MAPRE2: variants seen among roughly 807,000 people sequenced by gnomAD.
The protein encoded by MAPRE2 is microtubule-associated protein RP/EB family member 2.
MAPRE2 carries 13 observed loss-of-function variants against 43.2 expected under a neutral mutation model. The ratio of observed to expected loss-of-function variants is 0.30; its 90% confidence interval spans 0.20 to 0.48. The LOEUF (loss-of-function observed/expected upper bound fraction) is 0.48, where lower values mean the gene tolerates loss of function less well. MAPRE2 is among the 20% of genes least tolerant of loss of function. The pLI, the probability that MAPRE2 is intolerant of heterozygous loss-of-function variation, is 0.99. For synonymous variants in MAPRE2, 135 were observed against 148.8 expected (o/e 0.91, Z 0.68); for missense variants, 161 against 400.2 (o/e 0.40, Z 5.10).
upstream of MAPRE2, chr18:35,041,375 G>A (rs1270804990): frequency 1.4e-6 from 2 of 1,468,162 alleles, no homozygotes; most frequent in East Asian, 2.5e-5. Flanking sequence ...CTGCCAGAGG[G>A]CGGGGCCGCA....
At chr18:35,029,751 C>T (rs1337981093) in intron 2 of MAPRE2, among the ~76,000 whole-genome samples, 1 of 152,132 alleles carries the variant, frequency 6.6e-6, no homozygotes, top group Non-Finnish European at 1.5e-5. Context: ...TTTAGCTGTC[C>T]TATGCAGTCA....
chr18:35,044,882 A>G (rs959782268), intron 1 of MAPRE2, among the ~76,000 whole-genome samples: 5 of 152,218 alleles, frequency 3.3e-5, no homozygotes, highest in Admixed American at 6.5e-5. Flanking sequence ...TTCCTGACCC[A>G]CATCTCTTAA....
chr18:34,997,949 A>C (rs1339629454), intron 1 of MAPRE2, among the ~76,000 whole-genome samples: 1 of 152,232 alleles, frequency 6.6e-6, no homozygotes, highest in Non-Finnish European at 1.5e-5. Context: ...AAATATTTTC[A>C]AGTTGTATAT....
chr18:35,088,554 A>G (rs937476819), intron 2 of MAPRE2, among the ~76,000 whole-genome samples: 5 of 152,200 alleles, frequency 3.3e-5, no homozygotes, highest in African/African-American at 1.2e-4. Context: ...CCGTGGCATA[A>G]TGAGATAAAA....
chr18:35,115,015 A>G (rs952989124), intron 4 of MAPRE2, among the ~76,000 whole-genome samples: 10 of 152,220 alleles, frequency 6.6e-5, no homozygotes, highest in Non-Finnish European at 1.2e-4. Context: ...TTTATTATTG[A>G]TACTTTTTTT....
intron 5 of MAPRE2, among the ~76,000 whole-genome samples, chr18:35,129,774 T>C (rs1447966997): frequency 6.6e-6 from 1 of 152,008 alleles, no homozygotes; most frequent in African/African-American, 2.4e-5. Context: ...CTGGGAGGAG[T>C]TGGAAGAATG....
At chr18:35,074,301 T>C (rs1351914732) in intron 2 of MAPRE2, among the ~76,000 whole-genome samples, 2 of 152,088 alleles carry the variant, frequency 1.3e-5, no homozygotes, top group African/African-American at 4.8e-5. Context: ...TTTTTTTTCA[T>C]TTTTTGCTTT....
At chr18:34,982,547 T>C (rs886477070) in intron 1 of MAPRE2, among the ~76,000 whole-genome samples, 4 of 152,338 alleles carry the variant, frequency 2.6e-5, no homozygotes, top group African/African-American at 9.6e-5. Context: ...TAATCTGAGA[T>C]AAGAAAAAGT....
intron 4 of MAPRE2, among the ~76,000 whole-genome samples, chr18:35,114,356 T>TA (rs1386922188): frequency 6.6e-6 from 1 of 152,186 alleles, no homozygotes; most frequent in African/African-American, 2.4e-5. Context: ...CATTTTTTTT[T>TA]ATCGTGATTT....
chr18:35,138,475 C>T (rs1910488005), intron 6 of MAPRE2, among the ~76,000 whole-genome samples: 1 of 152,120 alleles, frequency 6.6e-6, no homozygotes, highest in African/African-American at 2.4e-5. Context: ...GTTTTCAACA[C>T]AATGTCACTG....
chr18:35,125,689 A>G (rs1040778117), intron 4 of MAPRE2, among the ~76,000 whole-genome samples: 2 of 152,260 alleles, frequency 1.3e-5, no homozygotes, highest in African/African-American at 4.8e-5. Context: ...TAATCCATGA[A>G]GTACACTGCG....
chr18:35,140,366 C>G lies in MAPRE2; in HGVS notation c.981C>G (p.Tyr327Ter). The G allele has an allele frequency of 6.2e-7, 1 of 1,611,564 alleles. No homozygotes were observed. The highest frequency in any genetic ancestry group is 2.2e-5 in the East Asian group (1 of 44,694). ...AGCAGCCCCCGCAGCAGGAAGAGTA[C>G]TGACCCACCCCGGCTGCTCTTGACA... ...HEQQPPQQEE[Y>*] The change falls in exon 7 of 7, where the codon TAC (tyrosine) becomes TAG (stop). Residue 327 changes from tyrosine to a stop codon, truncating the protein, a stop_gained. Coordinates refer to ENST00000300249, the MANE Select transcript of MAPRE2 (RefSeq NM_014268.4). LOFTEE classifies it high-confidence loss of function.
intron 1 of MAPRE2, chr18:35,005,375 CT>C: frequency 1.8e-6 from 1 of 549,182 alleles, no homozygotes; most frequent in Non-Finnish European, 3.2e-6. Flanking sequence ...TGTATTTTTT[CT>C]TTAATTTTTT....
Position 35,106,635 on chromosome 18 carries a change from G to C in MAPRE2, c.610+4476G>C, listed in dbSNP as rs187297136. ...ACATGCTAGATTTTTCAACCATTTT[G>C]ATACAGATAAAAGCTTTTCTTTATG... On this transcript the variant is annotated intron_variant, in intron 4 of 6. Coordinates refer to ENST00000300249, the MANE Select transcript of MAPRE2 (RefSeq NM_014268.4). Among the ~76,000 whole-genome samples the C allele has an allele frequency of 2.6e-3, 396 of 152,188 alleles. 1 individual carries two copies. The highest frequency in any genetic ancestry group is 6.8e-3 in the Middle Eastern group (2 of 294).
At chr18:35,041,358 A>ACGT, upstream of MAPRE2, 1 of 1,447,674 alleles carries the variant, frequency 6.9e-7, no homozygotes, top group Non-Finnish European at 9.0e-7. Flanking sequence ...CGGCGCTCTG[A>ACGT]CGTCAGCTGC....
At chr18:34,985,821 A>T (rs1317467036) in intron 1 of MAPRE2, among the ~76,000 whole-genome samples, 1 of 145,290 alleles carries the variant, frequency 6.9e-6, no homozygotes, top group African/African-American at 2.5e-5. Context: ...TGTCTCTTTT[A>T]ACCCCCTAGA....
chr18:34,980,958 G>A (rs2097015921), intron 1 of MAPRE2, among the ~76,000 whole-genome samples: 1 of 152,050 alleles, frequency 6.6e-6, no homozygotes, highest in Non-Finnish European at 1.5e-5. Flanking sequence ...TTTGTGATAA[G>A]TACAACCAAA....
intron 1 of MAPRE2, among the ~76,000 whole-genome samples, chr18:34,990,968 G>A (rs1035140855): frequency 1.3e-5 from 2 of 152,164 alleles, no homozygotes; most frequent in Admixed American, 6.5e-5. Context: ...TGAACTTGGG[G>A]ACAGATAATC....
chr18:35,055,827 A>G (rs968295074), intron 1 of MAPRE2, among the ~76,000 whole-genome samples: 3 of 151,954 alleles, frequency 2.0e-5, no homozygotes, highest in African/African-American at 7.3e-5. Flanking sequence ...TGGTGGTGCC[A>G]GCCTGTAATC....
Sources: gnomAD v4.1 joint callset for allele counts (sites outside exome capture counted in the v4.1 genomes callset) on GRCh38, gnomAD v4.1.1 for gene constraint, MANE v1.5 for transcripts, NCBI Gene and HGNC (gene_info 2026-07-23, HGNC 2026-07-21) for gene names.